SP140: variants seen among roughly 807,000 people sequenced by gnomAD.
SP140 encodes SP140 nuclear body protein, also known as nuclear body protein SP140.
In SP140, 81 loss-of-function variants were observed where a neutral mutation model predicts 125.0. That is an observed-to-expected ratio of 0.65 (90% confidence interval 0.54 to 0.78). The LOEUF is 0.78. Among genes scored for constraint, SP140 ranks in the 30% least tolerant of loss-of-function variants. The pLI, the probability that SP140 is intolerant of heterozygous loss-of-function variation, is 0.00. For synonymous variants in SP140, 312 were observed against 354.0 expected (o/e 0.88, Z 1.33); for missense variants, 858 against 1,037.0 (o/e 0.83, Z 2.37).
At chr2:230,260,112 T>A (rs114555932) in intron 12 of SP140, among the ~76,000 whole-genome samples, 16,177 of 152,112 alleles carry the variant, frequency 0.11, 1,296 homozygotes, top group African/African-American at 0.22. Flanking sequence ...CTACTGTTTT[T>A]GATTTTTTGA....
chr2:230,265,421 G>C (rs2052938514), intron 12 of SP140, among the ~76,000 whole-genome samples: 1 of 152,170 alleles, frequency 6.6e-6, no homozygotes, highest in East Asian at 1.9e-4. Flanking sequence ...CCCACCTGTG[G>C]AGTCTGCACA....
chr2:230,223,782 C>T (rs1006108016), upstream of SP140, among the ~76,000 whole-genome samples: 1 of 152,204 alleles, frequency 6.6e-6, no homozygotes, highest in African/African-American at 2.4e-5. Context: ...CAATTCATTT[C>T]CCCAATTCCA....
At position 230,211,450 on chromosome 2, in the gene SP140, G is replaced by T. The variant is rs771697530; in HGVS notation, c.-322-2204G>T. The T allele has an allele frequency of 6.7e-7, 1 of 1,498,684 alleles. No homozygotes were observed. Among genetic ancestry groups the T allele is most frequent in the Non-Finnish European group, 9.3e-7 (1 of 1,074,820 alleles). 92.8% of individuals were successfully genotyped at this position (1,498,684 alleles called of 1,614,324 possible). A position where few individuals can be genotyped will look rare whatever the true frequency, so the allele number is the denominator to read the frequency against. On this transcript the variant is annotated intron_variant, in intron 1 of 4. Coordinates refer to the SP140 transcript ENST00000456542. This position sits in a 1 kb window ranked among gnomAD's most constrained non-coding sequence, Gnocchi z 4.2. ...CACAGAAACAAAGGCAAGCTTTTAGGTTGACCAAACCAAGATTACCTGGCA... is the reference window on the plus strand; with the variant it reads ...CACAGAAACAAAGGCAAGCTTTTAGTTTGACCAAACCAAGATTACCTGGCA...
chr2:230,252,260 T>C (rs2050484602), intron 10 of SP140, among the ~76,000 whole-genome samples: 1 of 151,534 alleles, frequency 6.6e-6, no homozygotes, highest in African/African-American at 2.4e-5. Context: ...GAGACAGATA[T>C]TCAGGGAGAG....
chr2:230,295,469 G>T (rs758687798), intron 21 of SP140, among the ~76,000 whole-genome samples: 2 of 152,206 alleles, frequency 1.3e-5, no homozygotes. Flanking sequence ...ACTGAGTCTG[G>T]ATGACCCAAA....
intron 15 of SP140, among the ~76,000 whole-genome samples, chr2:230,271,574 T>C (rs2053931556): frequency 6.6e-6 from 1 of 152,224 alleles, no homozygotes; most frequent in Admixed American, 6.5e-5. Flanking sequence ...TGGTCTGTCC[T>C]GTACTCATGT....
intron 12 of SP140, among the ~76,000 whole-genome samples, chr2:230,258,745 A>C (rs57003673): frequency 0.15 from 23,176 of 152,252 alleles, 2,043 homozygotes; most frequent in African/African-American, 0.24. Flanking sequence ...GATGAATCAT[A>C]TATTTTTAAA....
chr2:230,202,917 G>A, upstream of SP140: 3 of 622,066 alleles, frequency 4.8e-6, no homozygotes, highest in Non-Finnish European at 8.5e-6. Flanking sequence ...ACCTTTCTTT[G>A]CCTCCCCAAA....
intron 10 of SP140, among the ~76,000 whole-genome samples, chr2:230,252,503 G>A (rs1323889279): frequency 2.0e-5 from 3 of 151,954 alleles, no homozygotes; most frequent in Non-Finnish European, 4.4e-5. Context: ...AGAGTCCAGC[G>A]GCAAGAGACA....
At chr2:230,216,943 A>G (rs1272377781) in intron 3 of SP140, 2 of 1,611,720 alleles carry the variant, frequency 1.2e-6, no homozygotes, top group African/African-American at 1.3e-5. Flanking sequence ...GGAAAGAGGC[A>G]TGATAAAAAA....
chr2:230,280,458 G>C (rs992578434), intron 15 of SP140, among the ~76,000 whole-genome samples: 1 of 152,078 alleles, frequency 6.6e-6, no homozygotes, highest in East Asian at 1.9e-4. Flanking sequence ...CTTCTTAATA[G>C]GTAAATTTCA....
chr2:230,298,239 C>T (rs1490683373), intron 22 of SP140, among the ~76,000 whole-genome samples: 1 of 152,130 alleles, frequency 6.6e-6, no homozygotes, highest in African/African-American at 2.4e-5. Context: ...TAAATGAAAT[C>T]GTGATTTGAT....
Position 230,245,850 on chromosome 2 carries a change from T to C in SP140, c.665-13T>C. On this transcript the variant is annotated splice_polypyrimidine_tract_variant and intron_variant, in intron 6 of 26. Coordinates refer to ENST00000392045, the MANE Select transcript of SP140 (RefSeq NM_007237.5). ...CTGCCAATTGTCTGTCATGTTCCTC[T>C]TTCACTCTGCAGTGTCCTGTAAACT... 1 of 1,576,868 alleles carries C rather than the reference T, an allele frequency of 6.3e-7. No individual in the cohort carries two copies. Among genetic ancestry groups the C allele is most frequent in the South Asian group, 1.1e-5 (1 of 90,304 alleles).
At chr2:230,189,126 TC>T in the SP140 span, among the ~76,000 whole-genome samples, 4 of 152,120 alleles carry the variant, frequency 2.6e-5, no homozygotes, top group African/African-American at 9.7e-5. Context: ...TAATGTTCTA[TC>T]AATTTTGTTT....
chr2:230,209,507 G>C (rs2044235363), intron 1 of SP140, among the ~76,000 whole-genome samples: 1 of 152,132 alleles, frequency 6.6e-6, no homozygotes, highest in Non-Finnish European at 1.5e-5. Flanking sequence ...GGGCTGGATG[G>C]GGCCAGTAGG....
chr2:230,209,985 GT>G (rs1487222427), intron 1 of SP140: 1 of 1,606,520 alleles, frequency 6.2e-7, no homozygotes, highest in Admixed American at 1.7e-5. Context: ...GGGTCATTTG[GT>G]TCTGGAGAAT....
intron 22 of SP140, among the ~76,000 whole-genome samples, chr2:230,300,882 A>G (rs1261022797): frequency 6.6e-6 from 1 of 152,244 alleles, no homozygotes; most frequent in African/African-American, 2.4e-5. Context: ...GTGTAAACCA[A>G]CTTAAAGGAA....
At chr2:230,296,861 A>G (rs2057784392) in intron 21 of SP140, among the ~76,000 whole-genome samples, 1 of 151,988 alleles carries the variant, frequency 6.6e-6, no homozygotes, top group Non-Finnish European at 1.5e-5. Flanking sequence ...CTAGGTCCAG[A>G]CTCCCTGCAG....
upstream of SP140, among the ~76,000 whole-genome samples, chr2:230,224,824 G>A (rs2046140219): frequency 1.3e-5 from 2 of 152,096 alleles, no homozygotes; most frequent in Non-Finnish European, 2.9e-5. Flanking sequence ...CCATACCCTG[G>A]CTCTCATCAG....
Sources: gnomAD v4.1 joint callset for allele counts (sites outside exome capture counted in the v4.1 genomes callset) on GRCh38, gnomAD v4.1.1 for gene constraint, Gnocchi (gnomAD v3.1) non-coding constraint, MANE v1.5 for transcripts, NCBI Gene and HGNC (gene_info 2026-07-23, HGNC 2026-07-21) for gene names.